SYT2: variants seen among roughly 807,000 people sequenced by gnomAD.
SYT2 encodes synaptotagmin 2.
A neutral mutation model predicts 39.9 loss-of-function variants in SYT2; 15 were observed. The observed-to-expected ratio is 0.38, with a 90% CI of 0.25 to 0.58. The LOEUF (loss-of-function observed/expected upper bound fraction) is 0.58, where lower values mean the gene tolerates loss of function less well. Among genes scored for constraint, SYT2 ranks in the 20% least tolerant of loss-of-function variants. SYT2 has a pLI of 0.70. For missense variants in SYT2, 389 were observed against 530.3 expected, an observed-to-expected ratio of 0.73 and a Z score of 2.62; for synonymous variants, 181 against 204.5, an observed-to-expected ratio of 0.89 and a Z score of 0.98.
At chr1:202,655,917 G>A (rs1366248388) in intron 1 of SYT2, among the ~76,000 whole-genome samples, 1 of 152,148 alleles carries the variant, frequency 6.6e-6, no homozygotes, top group Admixed American at 6.5e-5. Context: ...GGAGCGAGTG[G>A]GCCTGCTTGG....
intron 1 of SYT2, among the ~76,000 whole-genome samples, chr1:202,658,828 C>G (rs181418549): frequency 1.3e-5 from 2 of 152,186 alleles, no homozygotes; most frequent in Admixed American, 1.3e-4. Flanking sequence ...GTGTGGCCCC[C>G]TGAACCCTGC....
rs1288413476 is a variant in SYT2, at chr1:202,602,550, GGAGA to G, written c.466-9_466-6del. ...CTGCAGAACGCCCACAGTAAGCTGT[GGAGA>G]GAGATGGGGAGAAGGGGCCTGAGTC... On this transcript the variant is annotated splice_region_variant and splice_polypyrimidine_tract_variant and intron_variant, in intron 4 of 8. Transcript: ENST00000367268. The G allele has an allele frequency of 1.9e-6, 3 of 1,609,598 alleles. No individual in the cohort carries two copies. Among genetic ancestry groups the G allele is most frequent in the South Asian group, 2.2e-5 (2 of 90,654 alleles).
At chr1:202,636,125 C>T (rs568546714) in intron 1 of SYT2, among the ~76,000 whole-genome samples, 40 of 152,050 alleles carry the variant, frequency 2.6e-4, no homozygotes, top group Non-Finnish European at 5.6e-4. Context: ...TCTCCTGCCC[C>T]CTTCTCTGCT....
chr1:202,651,410 G>A (rs1197614538), intron 1 of SYT2, among the ~76,000 whole-genome samples: 1 of 152,118 alleles, frequency 6.6e-6, no homozygotes, highest in African/African-American at 2.4e-5. Context: ...TTGGGAGCCT[G>A]TGCCATATCC....
At chr1:202,675,306 C>T (rs1409752763) in intron 1 of SYT2, among the ~76,000 whole-genome samples, 1 of 151,386 alleles carries the variant, frequency 6.6e-6, no homozygotes, top group Non-Finnish European at 1.5e-5. Flanking sequence ...ACTAATAGGC[C>T]CTGCTCTCAT....
At chr1:202,637,197 A>C (rs1691762402) in intron 1 of SYT2, among the ~76,000 whole-genome samples, 1 of 152,100 alleles carries the variant, frequency 6.6e-6, no homozygotes, top group Admixed American at 6.6e-5. Context: ...CTCCCAAAAC[A>C]AAAATTATCC....
chr1:202,624,662 A>AGG (rs1418411750), intron 1 of SYT2, among the ~76,000 whole-genome samples: 2 of 64,840 alleles, frequency 3.1e-5, no homozygotes, highest in African/African-American at 5.9e-5. Flanking sequence ...GGTGTGTAGT[A>AGG]GTGTGTGTGT....
chr1:202,705,629 G>T (rs920367515), intron 1 of SYT2, among the ~76,000 whole-genome samples: 1 of 152,050 alleles, frequency 6.6e-6, no homozygotes, highest in African/African-American at 2.4e-5. Context: ...CTCCTCCCTG[G>T]CACTCAGCCA....
rs1030373070 is a variant in SYT2 at position 202,594,325 on chromosome 1, A to G, written c.*2432T>C. ...TTTCCTCCCTGTCAAGGGAATGCAA[A>G]TCTTGGGCTTTGGAAGGGCTGAATG... On this transcript the variant is annotated 3_prime_UTR_variant, in exon 9 of 9. Transcript: ENST00000367268. 6.6e-6 allele frequency: 1 copy of G among 152,258 alleles called. No homozygotes were observed. Among genetic ancestry groups the G allele is most frequent in the African/African-American group, 2.4e-5 (1 of 41,462 alleles). The allele number at this position is 152,258 out of a possible 1,614,324, so 9.4% of individuals were successfully genotyped here. A position where few individuals can be genotyped will look rare whatever the true frequency, so the allele number is the denominator to read the frequency against.
At chr1:202,618,600 A>G (rs1343625135) in intron 1 of SYT2, among the ~76,000 whole-genome samples, 4 of 152,126 alleles carry the variant, frequency 2.6e-5, no homozygotes, top group Admixed American at 1.3e-4. Flanking sequence ...TGAGTGTCAG[A>G]CTTCTTAACT....
intron 1 of SYT2, among the ~76,000 whole-genome samples, chr1:202,694,255 G>T (rs114117442): frequency 7.6e-4 from 115 of 152,268 alleles, no homozygotes; most frequent in Non-Finnish European, 1.2e-3. Context: ...ATTTGTGTTA[G>T]AAAAAAGGAG....
At position 202,605,348 on chromosome 1, in the gene SYT2, T is replaced by C. The variant is rs568814076; in HGVS notation, c.178+247A>G. The C allele has an allele frequency of 1.9e-3, 673 of 355,770 alleles. 1 individual carries two copies. The highest frequency in any genetic ancestry group is 2.7e-3 in the Non-Finnish European group (532 of 195,684). The allele number at this position is 355,770 out of a possible 1,614,324, so 22.0% of individuals were successfully genotyped here. On this transcript the variant is annotated intron_variant, in intron 2 of 8. Transcript: ENST00000367268. ...GCCTTTTGGTTTCATCTTTAGACAG[T>C]TTTTTAAGTTATAAGAACTTTTCTT...
intron 1 of SYT2, among the ~76,000 whole-genome samples, chr1:202,633,464 G>A (rs186386619): frequency 2.6e-5 from 4 of 152,076 alleles, no homozygotes; most frequent in African/African-American, 9.7e-5. Context: ...TGGAAGGGAG[G>A]CCTAGGGTGG....
chr1:202,704,622 G>T (rs1306565771), intron 1 of SYT2, among the ~76,000 whole-genome samples: 2 of 143,050 alleles, frequency 1.4e-5, no homozygotes, highest in Non-Finnish European at 3.1e-5. Flanking sequence ...CCCTGCCTTT[G>T]CAAGGGGCCC....
At chr1:202,597,291 T>C (rs930969938) in intron 8 of SYT2, among the ~76,000 whole-genome samples, 2 of 152,186 alleles carry the variant, frequency 1.3e-5, no homozygotes, top group African/African-American at 4.8e-5. Context: ...ACTGAAAACT[T>C]ACAACATGAA....
rs374011735 is a variant in SYT2 at position 202,666,537 on chromosome 1, G to A, written c.-18+43721C>T. Among the ~76,000 whole-genome samples, 359 of 152,286 alleles carry A rather than the reference G, an allele frequency of 2.4e-3. 3 individuals are homozygous for A. The highest frequency in any genetic ancestry group is 0.013 in the South Asian group (62 of 4,824). The stretch of plus-strand genomic sequence containing the variant: ...GGCAGGAGAAGAGAACAATCTCTCC[G>A]TGATAAACACCTACCATTTCAGAGG... On this transcript the variant is annotated intron_variant, in intron 1 of 8. Coordinates refer to ENST00000367268, the MANE Select transcript of SYT2 (RefSeq NM_177402.5).
intron 1 of SYT2, among the ~76,000 whole-genome samples, chr1:202,678,878 C>A (rs1653452607): frequency 6.6e-6 from 1 of 152,092 alleles, no homozygotes; most frequent in South Asian, 2.1e-4. Context: ...GAGTCTCCAC[C>A]CCCCACCCAA....
rs530886612 is a variant in SYT2, at chr1:202,623,284, A to G, written c.-17-17495T>C. ...TACTGCAGCACGGCGCACTCTAGCC[A>G]AGACGGAGAAGCTGCTGAGTCACAG... On this transcript the variant is annotated intron_variant, in intron 1 of 8. Coordinates refer to ENST00000367268, the MANE Select transcript of SYT2 (RefSeq NM_177402.5). This position sits in a 1 kb window ranked among gnomAD's most constrained non-coding sequence, Gnocchi z 4.2. Among the ~76,000 whole-genome samples, 51 of 152,356 alleles carry G rather than the reference A, an allele frequency of 3.3e-4. No homozygotes were observed. Among genetic ancestry groups the G allele is most frequent in the African/African-American group, 1.2e-3 (51 of 41,588 alleles).
In SYT2 at chr1:202,604,448, GCC is replaced by G; in HGVS notation, c.345+5_345+6del. The G allele has an allele frequency of 1.2e-6, 2 of 1,613,782 alleles. No homozygotes were observed. Among genetic ancestry groups the G allele is most frequent in the Non-Finnish European group, 8.5e-7 (1 of 1,179,742 alleles). ...TTCCAGTCCCCCTCACAACCAATGT[GCC>G]CTACCTGACCCCCTTTCATGTCCTT... On this transcript the variant is annotated splice_donor_5th_base_variant and intron_variant, in intron 3 of 8. Transcript: ENST00000367268.
Sources: allele counts gnomAD v4.1 joint callset (sites outside exome capture counted in the v4.1 genomes callset), GRCh38; gene constraint gnomAD v4.1.1; non-coding constraint Gnocchi (gnomAD v3.1); transcripts MANE v1.5; gene names NCBI Gene and HGNC (gene_info 2026-07-23, HGNC 2026-07-21).